The following PRKG1 variants were observed in gnomAD, a reference collection of about 807,000 sequenced individuals.
PRKG1 encodes the protein protein kinase cGMP-dependent 1.
In PRKG1, 35 loss-of-function variants were observed where a neutral mutation model predicts 88.1. The observed-to-expected ratio is 0.40, with a 90% CI of 0.30 to 0.53. The LOEUF is 0.53. Ranked by LOEUF, PRKG1 falls within the 20% of genes least tolerant of loss-of-function variation. The pLI, the probability that PRKG1 is intolerant of heterozygous loss-of-function variation, is 0.59. For missense variants in PRKG1, 540 were observed against 839.8 expected (o/e 0.64, Z 4.41); for synonymous variants, 303 against 292.5 (o/e 1.04, Z -0.37).
intron 17 of PRKG1, among the ~76,000 whole-genome samples, chr10:52,291,752 A>C (rs988708972): frequency 1.6e-4 from 24 of 150,944 alleles, no homozygotes; most frequent in African/African-American, 4.9e-4. Context: ...ATTTATAGTC[A>C]TTTGGGTATA....
At chr10:51,620,187 A>G (rs541639357) in intron 3 of PRKG1, among the ~76,000 whole-genome samples, 2 of 152,288 alleles carry the variant, frequency 1.3e-5, no homozygotes, top group Admixed American at 6.5e-5. Context: ...AAATTTTAGC[A>G]TAATAAATCT....
At chr10:51,473,974 A>G (rs1177484563) in intron 3 of PRKG1, among the ~76,000 whole-genome samples, 1 of 151,940 alleles carries the variant, frequency 6.6e-6, no homozygotes, top group Non-Finnish European at 1.5e-5. Context: ...ATAGGCCAAT[A>G]CTGTATTTTC....
intron 4 of PRKG1, among the ~76,000 whole-genome samples, chr10:51,885,538 G>A (rs1454349610): frequency 6.6e-6 from 1 of 152,126 alleles, no homozygotes; most frequent in Non-Finnish European, 1.5e-5. Context: ...TACTCTCATG[G>A]CTCTTTACCG....
chr10:51,082,899 C>T (rs1032506336), intron 1 of PRKG1, among the ~76,000 whole-genome samples: 1 of 152,144 alleles, frequency 6.6e-6, no homozygotes, highest in Non-Finnish European at 1.5e-5. Flanking sequence ...TGGGCACCAC[C>T]TCCAGAGCCT....
At chr10:51,665,681 T>C (rs1371405989) in intron 3 of PRKG1, among the ~76,000 whole-genome samples, 1 of 152,106 alleles carries the variant, frequency 6.6e-6, no homozygotes, top group Non-Finnish European at 1.5e-5. Context: ...TATTTTTATT[T>C]TTTTTTTGTC....
At chr10:52,197,501 G>T (rs1056489217) in intron 9 of PRKG1, among the ~76,000 whole-genome samples, 4 of 152,162 alleles carry the variant, frequency 2.6e-5, no homozygotes, top group African/African-American at 9.7e-5. Context: ...GAAAAACTCC[G>T]AGGTATAGGT....
chr10:51,584,330 A>G (rs7069767), intron 3 of PRKG1, among the ~76,000 whole-genome samples: 10,510 of 152,126 alleles, frequency 0.069, 1,193 homozygotes, highest in African/African-American at 0.24. Flanking sequence ...GACTCCAAGA[A>G]TAGACTACTA....
chr10:51,872,286 T>C (rs942321874), intron 4 of PRKG1, among the ~76,000 whole-genome samples: 1 of 152,204 alleles, frequency 6.6e-6, no homozygotes, highest in African/African-American at 2.4e-5. Flanking sequence ...AGTTTCCCCA[T>C]CTATAGCATC....
At chr10:51,148,972 C>A (rs1284664679) in intron 1 of PRKG1, among the ~76,000 whole-genome samples, 1 of 151,984 alleles carries the variant, frequency 6.6e-6, no homozygotes, top group Non-Finnish European at 1.5e-5. Context: ...CCTATGAAAC[C>A]CATCCCCTGC....
At chr10:52,175,274 T>C (rs985721484) in intron 9 of PRKG1, among the ~76,000 whole-genome samples, 1 of 152,134 alleles carries the variant, frequency 6.6e-6, no homozygotes, top group African/African-American at 2.4e-5. Context: ...TCACTTAACA[T>C]AATGTCCTTC....
At chr10:51,078,649 C>T (rs867073645) in intron 1 of PRKG1, among the ~76,000 whole-genome samples, 1 of 150,634 alleles carries the variant, frequency 6.6e-6, no homozygotes, top group Non-Finnish European at 1.5e-5. Flanking sequence ...CGGAGTCTCG[C>T]TCTATCGCCC....
At chr10:51,843,982 A>C (rs1408723521) in intron 4 of PRKG1, among the ~76,000 whole-genome samples, 1 of 152,174 alleles carries the variant, frequency 6.6e-6, no homozygotes, top group Non-Finnish European at 1.5e-5. Context: ...AATTATTATC[A>C]GGAGTATACA....
intron 3 of PRKG1, among the ~76,000 whole-genome samples, chr10:51,675,517 G>A (rs1312943083): frequency 6.6e-6 from 1 of 152,128 alleles, no homozygotes; most frequent in East Asian, 1.9e-4. Context: ...GAGACACCGA[G>A]TTGTCAAAGT....
chr10:51,884,214 A>G (rs1841505882), intron 4 of PRKG1, among the ~76,000 whole-genome samples: 1 of 151,390 alleles, frequency 6.6e-6, no homozygotes, highest in African/African-American at 2.4e-5. Flanking sequence ...TGGGAGGCCG[A>G]GACGGGCAGA....
At chr10:51,145,717 C>G (rs974410939) in intron 1 of PRKG1, among the ~76,000 whole-genome samples, 1 of 152,118 alleles carries the variant, frequency 6.6e-6, no homozygotes, top group Non-Finnish European at 1.5e-5. Flanking sequence ...CAACAATTTT[C>G]TTTTTCCTCA....
chr10:51,074,169 C>G (rs1222752827), upstream of PRKG1: 4 of 156,318 alleles, frequency 2.6e-5, no homozygotes, highest in African/African-American at 9.7e-5. Flanking sequence ...TCAGGCTCCC[C>G]GCACGCCCCG....
chr10:52,202,184 C>T (rs1839693517), intron 9 of PRKG1, among the ~76,000 whole-genome samples: 1 of 151,914 alleles, frequency 6.6e-6, no homozygotes, highest in African/African-American at 2.4e-5. Context: ...AAGATGCTGT[C>T]ATAGGTGGCT....
chr10:51,586,690 A>G (rs2132198437), intron 3 of PRKG1, among the ~76,000 whole-genome samples: 1 of 152,286 alleles, frequency 6.6e-6, no homozygotes, highest in Admixed American at 6.5e-5. Context: ...TTTACAAAAT[A>G]AGTTTTTTAC....
chr10:51,344,209 G>A (rs1842063249), intron 2 of PRKG1, among the ~76,000 whole-genome samples: 1 of 152,130 alleles, frequency 6.6e-6, no homozygotes, highest in African/African-American at 2.4e-5. Context: ...AAGGCAAAGC[G>A]GGGAGCAGGC....
Sources: allele counts gnomAD v4.1 joint callset (sites outside exome capture counted in the v4.1 genomes callset), GRCh38; gene constraint gnomAD v4.1.1; transcripts MANE v1.5; gene names NCBI Gene and HGNC (gene_info 2026-07-23, HGNC 2026-07-21).